The following MTMR12 variants were observed in gnomAD, a reference collection of about 807,000 sequenced individuals.
The protein encoded by MTMR12 is myotubularin related protein 12, also known as myotubularin-related protein 12.
MTMR12 carries 33 observed loss-of-function variants against 96.7 expected under a neutral mutation model. The observed-to-expected ratio is 0.34, with a 90% CI of 0.26 to 0.46. The LOEUF is 0.46. Among genes scored for constraint, MTMR12 ranks in the 20% least tolerant of loss-of-function variants. The probability of loss-of-function intolerance (pLI) is 1.00; values close to 1 mark genes in which losing one functional copy is unlikely to be tolerated. For missense variants in MTMR12, 721 were observed against 896.1 expected, an observed-to-expected ratio of 0.80 and a Z score of 2.49; for synonymous variants, 298 against 327.2, an observed-to-expected ratio of 0.91 and a Z score of 0.96.
At chr5:32,291,306 T>C (rs1236659850) in intron 1 of MTMR12, among the ~76,000 whole-genome samples, 2 of 152,198 alleles carry the variant, frequency 1.3e-5, no homozygotes, top group African/African-American at 2.4e-5. Flanking sequence ...ACCTTCCCAG[T>C]GGGCAGAACT....
intron 1 of MTMR12, among the ~76,000 whole-genome samples, chr5:32,281,111 G>A (rs1750274191): frequency 1.3e-5 from 2 of 151,812 alleles, no homozygotes; most frequent in South Asian, 4.2e-4. Flanking sequence ...GGCAGGATGC[G>A]GCAGCATGTG....
chr5:32,262,299 T>C (rs1749391725), intron 7 of MTMR12, among the ~76,000 whole-genome samples: 1 of 152,078 alleles, frequency 6.6e-6, no homozygotes, highest in East Asian at 1.9e-4. Context: ...TAATTGAATG[T>C]TCATATCAAT....
chr5:32,228,502 C>T lies in MTMR12; in HGVS notation c.*1276G>A, dbSNP rs755131452. 3 of 119,760 alleles carry T rather than the reference C, an allele frequency of 2.5e-5. No individual in the cohort carries two copies. Among genetic ancestry groups the T allele is most frequent in the Non-Finnish European group, 5.3e-5 (3 of 56,306 alleles). The allele number at this position is 119,760 out of a possible 1,614,324, so 7.4% of individuals were successfully genotyped here. A position where few individuals can be genotyped will look rare whatever the true frequency, so the allele number is the denominator to read the frequency against. ...ATCTGCTCCTTACAAAGTATACTTT[C>T]CTGCATTAAAAAAAATATATATCAT... On this transcript the variant is annotated 3_prime_UTR_variant, in exon 16 of 16. Transcript: ENST00000382142.
At chr5:32,285,534 T>A (rs1396952735) in intron 1 of MTMR12, among the ~76,000 whole-genome samples, 5 of 152,068 alleles carry the variant, frequency 3.3e-5, no homozygotes, top group Non-Finnish European at 5.9e-5. Context: ...TTTTATTTTT[T>A]AAAAAAAGAT....
rs897496465 is a variant in MTMR12 at position 32,227,269 on chromosome 5, A to C, written c.*2509T>G. On this transcript the variant is annotated 3_prime_UTR_variant, in exon 16 of 16. Coordinates refer to ENST00000382142, the MANE Select transcript of MTMR12 (RefSeq NM_001040446.3). ...CAAACTTGCACAGTACAGCATTTTAAACAAAGTAAATGGTCTCATTTCAGC... is the reference window on the plus strand; with the variant it reads ...CAAACTTGCACAGTACAGCATTTTACACAAAGTAAATGGTCTCATTTCAGC... 6.5e-6 allele frequency: 1 copy of C among 152,686 alleles called. No homozygotes were observed. Among genetic ancestry groups the C allele is most frequent in the South Asian group, 2.1e-4 (1 of 4,836 alleles). The allele number at this position is 152,686 out of a possible 1,614,324, so 9.5% of individuals were successfully genotyped here.
rs1561727226 is a variant in MTMR12, at chr5:32,228,591, G to GATATATATATATCATATATATGTGATAT, written c.*1186_*1187insATATCACATATATATGATATATATATAT. ...TATCATATATATATCATATATATGT[G>GATATATATATATCATATATATGTGATAT]ATATATATATATATATCATATATAT... On this transcript the variant is annotated 3_prime_UTR_variant, in exon 16 of 16. Coordinates refer to ENST00000382142, the MANE Select transcript of MTMR12 (RefSeq NM_001040446.3). 9.6e-6 allele frequency: 1 copy of GATATATATATATCATATATATGTGATAT among 103,670 alleles called. No homozygotes were observed. The highest frequency in any genetic ancestry group is 3.9e-5 in the African/African-American group (1 of 25,430). 6.4% of individuals were successfully genotyped at this position (103,670 alleles called of 1,614,324 possible). A position where few individuals can be genotyped will look rare whatever the true frequency, so the allele number is the denominator to read the frequency against.
intron 12 of MTMR12, among the ~76,000 whole-genome samples, chr5:32,241,534 GCA>G (rs1748476230): frequency 6.6e-6 from 1 of 152,198 alleles, no homozygotes; most frequent in Non-Finnish European, 1.5e-5. Context: ...ACTAGTTACA[GCA>G]CCAATCTTCC....
At chr5:32,307,019 C>G (rs1221954224) in intron 1 of MTMR12, among the ~76,000 whole-genome samples, 1 of 152,086 alleles carries the variant, frequency 6.6e-6, no homozygotes, top group East Asian at 1.9e-4. Context: ...GGGATAGCAA[C>G]TGACATGGAA....
intron 1 of MTMR12, among the ~76,000 whole-genome samples, chr5:32,302,946 C>A: frequency 6.6e-6 from 1 of 152,178 alleles, no homozygotes; most frequent in South Asian, 2.1e-4. Flanking sequence ...AGTTACCACA[C>A]AAGGAACTTT....
In MTMR12 at chr5:32,229,812, C is replaced by T. The variant is rs928101638; in HGVS notation, c.2210G>A (p.Arg737Gln). Reference protein sequence around the residue: ...ALGDEDDLAKREDEFVDLGDV With the variant: ...ALGDEDDLAKQEDEFVDLGDV ...CCCTAGGTCCACGAACTCATCTTCT[C>T]GTTTGGCCAAATCGTCTTCATCTCC... is the stretch of plus-strand genomic sequence containing the variant. Residue 737 changes from arginine (R) to glutamine (Q), a missense_variant, in exon 16 of 16, where the codon CGA becomes CAA. Physicochemically the swap from Arg to Gln is conservative, Grantham distance 43. Coordinates refer to ENST00000382142, the MANE Select transcript of MTMR12 (RefSeq NM_001040446.3). 26 of 1,560,338 alleles carry T rather than the reference C, an allele frequency of 1.7e-5. No homozygotes were observed. The highest frequency in any genetic ancestry group is 2.0e-5 in the Non-Finnish European group (23 of 1,154,310).
At chr5:32,298,563 G>T (rs1333227436) in intron 1 of MTMR12, among the ~76,000 whole-genome samples, 6 of 152,130 alleles carry the variant, frequency 3.9e-5, no homozygotes, top group Non-Finnish European at 8.8e-5. Context: ...AGGCCCTCCA[G>T]GTAGACTGTA....
intron 1 of MTMR12, among the ~76,000 whole-genome samples, chr5:32,307,437 T>A (rs1251392695): frequency 6.6e-6 from 1 of 152,096 alleles, no homozygotes; most frequent in Non-Finnish European, 1.5e-5. Flanking sequence ...GTACCAGCCA[T>A]CAGGTACCAT....
At chr5:32,242,205 G>C in intron 11 of MTMR12, 78 bp from the exon 12 acceptor site, 1 of 964,346 alleles carries the variant, frequency 1.0e-6, no homozygotes, top group Non-Finnish European at 1.6e-6. Context: ...TTGAGAGAGA[G>C]TCTGACTTGA....
intron 7 of MTMR12, among the ~76,000 whole-genome samples, chr5:32,260,970 C>T (rs370422440): frequency 6.6e-6 from 1 of 151,638 alleles, no homozygotes; most frequent in Non-Finnish European, 1.5e-5. Flanking sequence ...CAGTGGCTCA[C>T]GCGTGTAATC....
intron 1 of MTMR12, among the ~76,000 whole-genome samples, chr5:32,287,086 G>T (rs1750567505): frequency 2.0e-5 from 3 of 152,222 alleles, no homozygotes; most frequent in African/African-American, 7.2e-5. Context: ...AAAGAAGACT[G>T]CTGCACTCAG....
chr5:32,256,452 C>G (rs1749135591), intron 7 of MTMR12, among the ~76,000 whole-genome samples: 2 of 152,202 alleles, frequency 1.3e-5, no homozygotes, highest in Non-Finnish European at 2.9e-5. Flanking sequence ...GACCTGAACC[C>G]AAGCATTGGG....
At chr5:32,310,905 G>A (rs184547505) in intron 1 of MTMR12, among the ~76,000 whole-genome samples, 2,350 of 146,702 alleles carry the variant, frequency 0.016, 62 homozygotes, top group African/African-American at 0.057. Flanking sequence ...ATGGAGTCTC[G>A]CTCTGTCGCC....
intron 1 of MTMR12, among the ~76,000 whole-genome samples, chr5:32,280,966 G>A (rs867696867): frequency 2.2e-4 from 34 of 151,932 alleles, no homozygotes; most frequent in African/African-American, 7.7e-4. Context: ...AGAATCTCTC[G>A]GCAGGGTGTG....
chr5:32,266,057 C>T (rs1749579595), intron 6 of MTMR12, among the ~76,000 whole-genome samples: 1 of 152,108 alleles, frequency 6.6e-6, no homozygotes, highest in South Asian at 2.1e-4. Flanking sequence ...AATCCCTCTG[C>T]CCAAAATACT....
Sources: allele counts gnomAD v4.1 joint callset (sites outside exome capture counted in the v4.1 genomes callset), GRCh38; gene constraint gnomAD v4.1.1; transcripts MANE v1.5; gene names NCBI Gene and HGNC (gene_info 2026-07-23, HGNC 2026-07-21).